The following HTR4 variants were observed in gnomAD, a reference collection of about 807,000 sequenced individuals.
The protein encoded by HTR4 is 5-hydroxytryptamine receptor 4, also known as 5-hydroxytryptamine (serotonin) receptor 4, G protein-coupled.
Under a neutral mutation model 36.8 loss-of-function variants are expected in HTR4, and 16 were observed. The ratio of observed to expected loss-of-function variants is 0.43; its 90% CI spans 0.29 to 0.66. The LOEUF (loss-of-function observed/expected upper bound fraction) is 0.66. Ranked by LOEUF, HTR4 falls within the 30% of genes least tolerant of loss-of-function variation. The probability of loss-of-function intolerance (pLI) is 0.13; values close to 1 mark genes in which losing one functional copy is unlikely to be tolerated. For synonymous variants in HTR4, 189 were observed against 185.1 expected, an observed-to-expected ratio of 1.02 and a Z score of -0.17; for missense variants, 438 against 490.9, an observed-to-expected ratio of 0.89 and a Z score of 1.02.
rs1753767120 is a variant in HTR4, at chr5:148,642,776, G to C, written c.-47-5715C>G. On this transcript the variant is annotated intron_variant, in intron 1 of 6. Transcript: ENST00000377888. The stretch of plus-strand genomic sequence containing the variant: ...AATCCTCTCCTTGGCTATTTACTTG[G>C]ATTTTGTTTTCTGGGAAACATTCAG... Among the ~76,000 whole-genome samples, 2 of 152,096 alleles carry C rather than the reference G, an allele frequency of 1.3e-5. 1 individual carries two copies. The highest frequency in any genetic ancestry group is 4.1e-4 in the South Asian group (2 of 4,828).
At position 148,621,513 on chromosome 5, in the gene HTR4, A is replaced by G. The variant is rs540980217; in HGVS notation, c.26+15476T>C. On this transcript the variant is annotated intron_variant, in intron 2 of 6. Transcript: ENST00000377888. ...TGGTCCAGACTCTGCTAGTCAGTCC[A>G]TGGTAGCATAGAGAGACCAATTCTA... 1.3e-4 allele frequency among the ~76,000 whole-genome samples: 20 copies of G among 152,310 alleles called. No individual in the cohort carries two copies. In the Middle Eastern group the frequency reaches 0.01, roughly 78 times the overall value.
chr5:148,637,398 A>G (rs889757129), intron 1 of HTR4, among the ~76,000 whole-genome samples: 11 of 152,114 alleles, frequency 7.2e-5, no homozygotes, highest in Admixed American at 4.6e-4. Flanking sequence ...AGGTAGCTAC[A>G]TTCTTATGCT....
intron 4 of HTR4, among the ~76,000 whole-genome samples, chr5:148,538,696 T>C (rs1035753240): frequency 1.3e-5 from 2 of 151,988 alleles, no homozygotes; most frequent in African/African-American, 4.8e-5. Context: ...CAATGAGAAT[T>C]ACAAAACACT....
intron 2 of HTR4, among the ~76,000 whole-genome samples, chr5:148,556,552 A>G (rs926631157): frequency 6.6e-6 from 1 of 152,210 alleles, no homozygotes; most frequent in African/African-American, 2.4e-5. Context: ...TCCTGACCTC[A>G]TGGGGTTCAT....
intron 2 of HTR4, among the ~76,000 whole-genome samples, chr5:148,634,200 C>T (rs184048491): frequency 7.1e-4 from 108 of 152,220 alleles, no homozygotes; most frequent in African/African-American, 2.4e-3. Context: ...AGTCTAAAGC[C>T]TTCTCTGAGA....
rs79298280 is a variant in HTR4 at position 148,517,767 on chromosome 5, T to C, written c.507+5426A>G. Among the ~76,000 whole-genome samples, 1,254 of 152,288 alleles carry C rather than the reference T, an allele frequency of 8.2e-3. 14 individuals carry two copies. The highest frequency in any genetic ancestry group is 0.029 in the African/African-American group (1,206 of 41,558). ...GTCAGATTACTTCAATAGACTCCCT[T>C]ACAGTCTGCTTTTTAACAGAAAAAC... is the stretch of plus-strand genomic sequence containing the variant. On this transcript the variant is annotated intron_variant, in intron 5 of 6. Coordinates refer to ENST00000377888, the MANE Select transcript of HTR4 (RefSeq NM_000870.7).
chr5:148,631,637 A>C (rs1753325208), intron 2 of HTR4, among the ~76,000 whole-genome samples: 1 of 152,150 alleles, frequency 6.6e-6, no homozygotes, highest in Non-Finnish European at 1.5e-5. Flanking sequence ...AATCAACCCC[A>C]AAATCAACTT....
chr5:148,643,149 C>T (rs940253693), intron 1 of HTR4, among the ~76,000 whole-genome samples: 20 of 152,116 alleles, frequency 1.3e-4, no homozygotes, highest in African/African-American at 2.9e-4. Flanking sequence ...TATACTGATA[C>T]GTACAATTAG....
intron 5 of HTR4, among the ~76,000 whole-genome samples, chr5:148,514,845 C>A (rs1007735270): frequency 6.6e-6 from 1 of 152,008 alleles, no homozygotes; most frequent in African/African-American, 2.4e-5. Context: ...TAGAGTAACA[C>A]CAACTTTCCT....
At chr5:148,616,866 TC>T (rs1165483768) in intron 2 of HTR4, among the ~76,000 whole-genome samples, 6 of 152,092 alleles carry the variant, frequency 3.9e-5, no homozygotes, top group African/African-American at 1.4e-4. Flanking sequence ...TACACCAGGA[TC>T]ATTTAAGTAT....
At position 148,509,982 on chromosome 5, in the gene HTR4, A is replaced by AGTAC. The variant is rs1428720308; in HGVS notation, c.546_549dup (p.Cys184ValfsTer38). 1 of 1,613,590 alleles carries AGTAC rather than the reference A, an allele frequency of 6.2e-7. No homozygotes were observed. Among genetic ancestry groups the AGTAC allele is most frequent in the Non-Finnish European group, 8.5e-7 (1 of 1,179,842 alleles). On this transcript the variant is annotated frameshift_variant, in exon 6 of 7. Coordinates refer to ENST00000377888, the MANE Select transcript of HTR4 (RefSeq NM_000870.7). LOFTEE classifies it high-confidence loss of function. The stretch of plus-strand genomic sequence containing the variant: ...TAGGGCTTGTTGACCATGAAGACAC[A>AGTAC]GTACGTAGAGTTAGAGTTCTGGTTG...
chr5:148,455,234 CCGTACCCTTAACCTCA>C (rs1755072670), intron 5 of HTR4, among the ~76,000 whole-genome samples: 1 of 152,128 alleles, frequency 6.6e-6, no homozygotes, highest in African/African-American at 2.4e-5. Context: ...TGCATGGTGC[CCGTACCCTTAACCTCA>C]GAACACACTC....
intron 2 of HTR4, among the ~76,000 whole-genome samples, chr5:148,573,073 A>T (rs547872454): frequency 6.6e-6 from 1 of 152,220 alleles, no homozygotes; most frequent in East Asian, 1.9e-4. Flanking sequence ...GTTCTGGAGC[A>T]GCTAATTCCA....
rs187831146 is a variant in HTR4 at position 148,470,837 on chromosome 5, C to A, written c.1077-19565G>T. Among the ~76,000 whole-genome samples, 20 of 152,198 alleles carry A rather than the reference C, an allele frequency of 1.3e-4. No individual in the cohort carries two copies. In the East Asian group the frequency reaches 3.1e-3, roughly 24 times the overall value. ...CCAAGTAGCTGGGATTACAGGCACC[C>A]ACCACCATGACCAGCTAATTTTTGT... On this transcript the variant is annotated intron_variant, in intron 5 of 5. Coordinates refer to the HTR4 transcript ENST00000521530.
At chr5:148,510,516 G>A (rs1029444697) in intron 5 of HTR4, among the ~76,000 whole-genome samples, 3 of 152,218 alleles carry the variant, frequency 2.0e-5, no homozygotes, top group African/African-American at 7.2e-5. Flanking sequence ...GTCACCTGCA[G>A]TACATATTAT....
chr5:148,498,421 G>A (rs1756782297), intron 6 of HTR4, among the ~76,000 whole-genome samples: 1 of 152,078 alleles, frequency 6.6e-6, no homozygotes, highest in Admixed American at 6.6e-5. Context: ...TCAATTTTGA[G>A]TATTTTAATC....
chr5:148,470,635 C>T (rs770471971), intron 5 of HTR4, among the ~76,000 whole-genome samples: 23 of 152,176 alleles, frequency 1.5e-4, no homozygotes, highest in Non-Finnish European at 2.5e-4. Flanking sequence ...CAAAAAAACA[C>T]ACATATGGCT....
At chr5:148,598,001 G>A (rs1276534083) in intron 2 of HTR4, among the ~76,000 whole-genome samples, 2 of 152,182 alleles carry the variant, frequency 1.3e-5, no homozygotes, top group Non-Finnish European at 2.9e-5. Flanking sequence ...TTCTGAGCAC[G>A]TTTATGAAAA....
chr5:148,641,158 C>G (rs898051823), intron 1 of HTR4, among the ~76,000 whole-genome samples: 3 of 152,220 alleles, frequency 2.0e-5, no homozygotes, highest in African/African-American at 7.2e-5. Context: ...GGAACCAGTG[C>G]TTTTATCTTG....
Sources: gnomAD v4.1 joint callset for allele counts (sites outside exome capture counted in the v4.1 genomes callset) on GRCh38, gnomAD v4.1.1 for gene constraint, MANE v1.5 for transcripts, NCBI Gene and HGNC (gene_info 2026-07-23, HGNC 2026-07-21) for gene names.